Variants in ASB15 observed in about 807,000 individuals in gnomAD.
ASB15 encodes the protein ankyrin repeat and SOCS box protein 15.
In ASB15, 54 loss-of-function variants were observed where a neutral mutation model predicts 58.0. That is an observed-to-expected ratio of 0.93 (90% CI 0.75 to 1.17). The LOEUF is 1.17. Ranked by LOEUF, ASB15 falls within the 50% of genes most tolerant of loss-of-function variation. The pLI, the probability that ASB15 is intolerant of heterozygous loss-of-function variation, is 0.00. For synonymous variants in ASB15, 249 were observed against 262.4 expected, an observed-to-expected ratio of 0.95 and a Z score of 0.50; for missense variants, 680 against 707.4, an observed-to-expected ratio of 0.96 and a Z score of 0.44.
chr7:123,617,491 A>C (rs191469161), intron 6 of ASB15, 88 bp from the exon 7 acceptor site: 2 of 1,170,850 alleles, frequency 1.7e-6, no homozygotes, highest in African/African-American at 1.5e-5. Flanking sequence ...GTTCAATCCG[A>C]TGTATATAAT....
Position 123,629,017 on chromosome 7 carries a change from C to A in ASB15, c.1023C>A (p.His341Gln). ...ATGTCAACACTCTACTTGCTGACCA[C>A]ATTTCCCAGAGCTATGACGATGAGA... Reference protein sequence around the residue: ...GFDVNTLLADHISQSYDDERK... With the variant: ...GFDVNTLLADQISQSYDDERK... The change falls in exon 10 of 12, where the codon CAC becomes CAA. Residue 341 changes from histidine (H) to glutamine (Q), a missense_variant. Transcript: ENST00000451215. The A allele has an allele frequency of 1.2e-6, 2 of 1,613,952 alleles. No homozygotes were observed. The highest frequency in any genetic ancestry group is 1.7e-6 in the Non-Finnish European group (2 of 1,179,848).
intron 1 of ASB15, among the ~76,000 whole-genome samples, chr7:123,603,268 T>G (rs1799975105): frequency 6.6e-6 from 1 of 152,136 alleles, no homozygotes; most frequent in Non-Finnish European, 1.5e-5. Flanking sequence ...CAACAGACGT[T>G]GAATGTATAT....
intron 1 of ASB15, among the ~76,000 whole-genome samples, chr7:123,568,489 C>G (rs1798820087): frequency 6.6e-6 from 1 of 150,958 alleles, no homozygotes; most frequent in Non-Finnish European, 1.5e-5. Flanking sequence ...CCATTGCACT[C>G]CAGCCTGAAC....
At chr7:123,592,499 G>T (rs1799568209) in intron 1 of ASB15, among the ~76,000 whole-genome samples, 1 of 152,094 alleles carries the variant, frequency 6.6e-6, no homozygotes, top group African/African-American at 2.4e-5. Flanking sequence ...TGTTCTCATT[G>T]ATTTCAAAGA....
intron 11 of ASB15, among the ~76,000 whole-genome samples, chr7:123,634,562 T>TA (rs1028111714): frequency 1.1e-4 from 16 of 151,944 alleles, no homozygotes; most frequent in African/African-American, 3.1e-4. Context: ...ATACAATTTT[T>TA]AAAAAAAACT....
intron 1 of ASB15, among the ~76,000 whole-genome samples, chr7:123,572,431 G>A (rs986508819): frequency 1.3e-5 from 2 of 151,814 alleles, no homozygotes; most frequent in African/African-American, 4.8e-5. Context: ...GAGCCACCAC[G>A]CCCAGCCTAG....
intron 2 of ASB15, among the ~76,000 whole-genome samples, chr7:123,605,428 A>C (rs2116438836): frequency 6.6e-6 from 1 of 152,332 alleles, no homozygotes; most frequent in East Asian, 1.9e-4. Context: ...TGTGGAAAAC[A>C]GTTTGGTGAT....
At chr7:123,615,034 G>T (rs1800709711) in intron 4 of ASB15, among the ~76,000 whole-genome samples, 1 of 152,166 alleles carries the variant, frequency 6.6e-6, no homozygotes, top group Non-Finnish European at 1.5e-5. Context: ...GTATTCCATT[G>T]TTGTATGTTT....
intron 1 of ASB15, among the ~76,000 whole-genome samples, chr7:123,574,827 A>T (rs1432303963): frequency 6.6e-6 from 1 of 152,086 alleles, no homozygotes; most frequent in Non-Finnish European, 1.5e-5. Context: ...AAGTAGTTCC[A>T]TGATTGTTTT....
chr7:123,634,236 G>C (rs563964109), intron 11 of ASB15, among the ~76,000 whole-genome samples: 4 of 151,412 alleles, frequency 2.6e-5, no homozygotes, highest in Non-Finnish European at 4.4e-5. Flanking sequence ...AGTATGTGCT[G>C]TTCCCCTCCA....
At chr7:123,624,075 A>T (rs906958771) in intron 7 of ASB15, among the ~76,000 whole-genome samples, 4 of 151,964 alleles carry the variant, frequency 2.6e-5, no homozygotes, top group Non-Finnish European at 5.9e-5. Context: ...AGGGGAAAAA[A>T]CCCTGTTTCT....
intron 11 of ASB15, among the ~76,000 whole-genome samples, chr7:123,633,667 G>A (rs1457413873): frequency 6.6e-6 from 1 of 152,190 alleles, no homozygotes; most frequent in Non-Finnish European, 1.5e-5. Flanking sequence ...TTACAGATAA[G>A]TCTTAGAAAT....
chr7:123,624,535 ATACT>A, intron 7 of ASB15, 30 bp from the exon 8 acceptor site: 1 of 1,584,636 alleles, frequency 6.3e-7, no homozygotes, highest in Non-Finnish European at 8.7e-7. Context: ...TTGTGTTAAT[ATACT>A]TACTGTTGTT....
upstream of ASB15, chr7:123,598,772 T>C (rs561163213): frequency 6.6e-6 from 1 of 152,214 alleles, no homozygotes; most frequent in African/African-American, 2.4e-5. Flanking sequence ...AGTGCTACCT[T>C]ACTAAAAAAT....
chr7:123,567,941 T>C (rs187995793), intron 1 of ASB15, among the ~76,000 whole-genome samples: 2 of 152,296 alleles, frequency 1.3e-5, no homozygotes, highest in African/African-American at 4.8e-5. Context: ...TCAAAATGAT[T>C]TGGATTTTTA....
chr7:123,596,549 T>C (rs1336030464), intron 1 of ASB15: 1 of 151,976 alleles, frequency 6.6e-6, no homozygotes, highest in South Asian at 2.1e-4. Context: ...GAGGCGGAGG[T>C]TGCTGTGAAC....
chr7:123,633,262 C>T (rs906432050), intron 11 of ASB15, among the ~76,000 whole-genome samples: 3 of 151,964 alleles, frequency 2.0e-5, no homozygotes, highest in Non-Finnish European at 4.4e-5. Context: ...AAAATAGATA[C>T]AGCACAATTA....
intron 1 of ASB15, among the ~76,000 whole-genome samples, chr7:123,592,611 A>G (rs1213099121): frequency 6.6e-6 from 1 of 152,116 alleles, no homozygotes; most frequent in East Asian, 1.9e-4. Flanking sequence ...GAGTTTCTTA[A>G]TCCTTATTTC....
intron 1 of ASB15, among the ~76,000 whole-genome samples, chr7:123,572,555 G>A (rs1475782086): frequency 1.3e-5 from 2 of 151,608 alleles, no homozygotes; most frequent in Non-Finnish European, 2.9e-5. Context: ...AAAGATTGAT[G>A]TATCTTCTTG....
Sources: gnomAD v4.1 joint callset for allele counts (sites outside exome capture counted in the v4.1 genomes callset) on GRCh38, gnomAD v4.1.1 for gene constraint, MANE v1.5 for transcripts, NCBI Gene and HGNC (gene_info 2026-07-23, HGNC 2026-07-21) for gene names.